Variants in ME2 observed in about 807,000 individuals in gnomAD.
ME2 encodes NAD-dependent malic enzyme, mitochondrial.
In ME2, 60 loss-of-function variants were observed where a neutral mutation model predicts 73.7. That is an observed-to-expected ratio of 0.81 (90% confidence interval 0.66 to 1.01). The LOEUF is 1.01. ME2 is among the 50% of genes least tolerant of loss of function. The pLI, the probability that ME2 is intolerant of heterozygous loss-of-function variation, is 0.00. For missense variants in ME2, 594 were observed against 705.5 expected, an observed-to-expected ratio of 0.84 and a Z score of 1.79; for synonymous variants, 199 against 236.9, an observed-to-expected ratio of 0.84 and a Z score of 1.47.
chr18:50,919,922 C>G, intron 7 of ME2, among the ~76,000 whole-genome samples: 1 of 151,924 alleles, frequency 6.6e-6, no homozygotes, highest in Non-Finnish European at 1.5e-5. Context: ...AATTCAGGGT[C>G]ACCCTAATAA....
chr18:50,881,518 T>A (rs1916324802), intron 1 of ME2, among the ~76,000 whole-genome samples: 1 of 152,244 alleles, frequency 6.6e-6, no homozygotes, highest in South Asian at 2.1e-4. Flanking sequence ...ATATTGTACC[T>A]CCTTTGATCA....
intron 3 of ME2, among the ~76,000 whole-genome samples, chr18:50,909,753 G>T (rs904988873): frequency 6.6e-6 from 1 of 152,170 alleles, no homozygotes; most frequent in African/African-American, 2.4e-5. Flanking sequence ...TAAGACTTGG[G>T]ATTAAGTATG....
At chr18:50,892,949 C>A (rs1020102917) in intron 1 of ME2, among the ~76,000 whole-genome samples, 1 of 151,670 alleles carries the variant, frequency 6.6e-6, no homozygotes, top group Admixed American at 6.6e-5. Context: ...CATGGTGAAA[C>A]CCTGTCTCTA....
intron 2 of ME2, among the ~76,000 whole-genome samples, chr18:50,899,119 G>C (rs555739524): frequency 1.3e-5 from 2 of 152,274 alleles, no homozygotes; most frequent in East Asian, 1.9e-4. Context: ...TGTCAGAGGA[G>C]TGCAAACCCT....
intron 2 of ME2, among the ~76,000 whole-genome samples, chr18:50,905,943 C>T (rs976662721): frequency 1.3e-5 from 2 of 152,146 alleles, no homozygotes; most frequent in Non-Finnish European, 2.9e-5. Context: ...TAAGAGTGCC[C>T]TGGCCAAGGA....
At chr18:50,897,399 C>T (rs1916770503) in intron 2 of ME2, among the ~76,000 whole-genome samples, 1 of 152,112 alleles carries the variant, frequency 6.6e-6, no homozygotes, top group African/African-American at 2.4e-5. Context: ...GCAGATGGAG[C>T]ATAGTCTAAG....
Position 50,947,602 on chromosome 18 carries a change from G to T in ME2, c.*418G>T, listed in dbSNP as rs1355249327. On this transcript the variant is annotated 3_prime_UTR_variant, in exon 16 of 16. Transcript: ENST00000321341. Reference sequence around the variant, plus strand: ...GGATAGAAGTACAGAATTTTGAGAAGAAACTAAATTTTCACCAAATTTTAA... The same window carrying T: ...GGATAGAAGTACAGAATTTTGAGAATAAACTAAATTTTCACCAAATTTTAA... The T allele has an allele frequency of 2.0e-5, 3 of 153,316 alleles. No individual in the cohort carries two copies. The highest frequency in any genetic ancestry group is 4.4e-5 in the Non-Finnish European group (3 of 68,854). 9.5% of individuals were successfully genotyped at this position (153,316 alleles called of 1,614,324 possible).
intron 1 of ME2, among the ~76,000 whole-genome samples, chr18:50,894,250 G>C (rs1325920818): frequency 6.6e-6 from 1 of 152,216 alleles, no homozygotes; most frequent in African/African-American, 2.4e-5. Context: ...AGGAATAAAT[G>C]ATCAAGCAAC....
intron 15 of ME2, among the ~76,000 whole-genome samples, chr18:50,946,589 T>C (rs1421137967): frequency 1.3e-5 from 2 of 152,168 alleles, no homozygotes; most frequent in Admixed American, 6.5e-5. Flanking sequence ...ACCTTATAGT[T>C]CTAGTGTCTA....
chr18:50,908,019 C>A, intron 2 of ME2, 44 bp from the exon 3 acceptor site: 2 of 1,318,412 alleles, frequency 1.5e-6, no homozygotes, highest in African/African-American at 1.5e-5. Flanking sequence ...TCATTGCTAC[C>A]CCAGTAAGTA....
chr18:50,927,429 G>A (rs189677552), intron 12 of ME2, among the ~76,000 whole-genome samples: 29 of 151,952 alleles, frequency 1.9e-4, no homozygotes, highest in East Asian at 5.8e-4. Context: ...GGCCGGGCAC[G>A]GTGGCTCACG....
chr18:50,935,782 A>T (rs2457642), intron 13 of ME2: 69,626 of 140,998 alleles, frequency 0.49, 18,057 homozygotes, highest in South Asian at 0.68. Flanking sequence ...AGAGTGAATG[A>T]GGCTTATGGC....
intron 3 of ME2, among the ~76,000 whole-genome samples, chr18:50,909,921 C>A (rs921518056): frequency 1.3e-5 from 2 of 152,088 alleles, no homozygotes; most frequent in African/African-American, 4.8e-5. Context: ...AAGAACAGCT[C>A]ATTCTCCGAA....
At chr18:50,888,331 C>T (rs76250231) in intron 1 of ME2, among the ~76,000 whole-genome samples, 3 of 121,784 alleles carry the variant, frequency 2.5e-5, no homozygotes, top group Non-Finnish European at 3.3e-5. Flanking sequence ...GGCAACAGAG[C>T]AAGACCCTGT....
intron 2 of ME2, among the ~76,000 whole-genome samples, chr18:50,904,371 T>C (rs1916964145): frequency 6.6e-6 from 1 of 151,170 alleles, no homozygotes; most frequent in South Asian, 2.1e-4. Flanking sequence ...CTCCACCTCC[T>C]GGGTTGAAGC....
chr18:50,910,167 C>T (rs954321241), intron 3 of ME2, among the ~76,000 whole-genome samples: 13 of 146,866 alleles, frequency 8.9e-5, no homozygotes, highest in Admixed American at 8.4e-4. Context: ...CTTGGTGGCT[C>T]ATGCCTGTAA....
intron 2 of ME2, 78 bp from the exon 3 acceptor site, chr18:50,907,985 T>C: frequency 1.8e-6 from 2 of 1,131,196 alleles, no homozygotes; most frequent in Non-Finnish European, 2.5e-6. Flanking sequence ...AATTTGCATT[T>C]AAATTATATT....
chr18:50,939,344 T>TA (rs1839442722), intron 13 of ME2: 3 of 431,670 alleles, frequency 6.9e-6, no homozygotes, highest in Admixed American at 4.0e-5. Context: ...ATGTAAAAAC[T>TA]AAACTGAGAA....
intron 13 of ME2, among the ~76,000 whole-genome samples, chr18:50,938,106 T>C (rs1207054683): frequency 6.6e-6 from 1 of 152,098 alleles, no homozygotes; most frequent in African/African-American, 2.4e-5. Context: ...GGCAAGAGGA[T>C]TGCATGAGTC....
Sources: allele counts gnomAD v4.1 joint callset (sites outside exome capture counted in the v4.1 genomes callset), GRCh38; gene constraint gnomAD v4.1.1; transcripts MANE v1.5; gene names NCBI Gene and HGNC (gene_info 2026-07-23, HGNC 2026-07-21).